Variants in DLGAP2 observed in about 807,000 individuals in gnomAD.
DLGAP2 encodes disks large-associated protein 2.
In DLGAP2, 26 loss-of-function variants were observed where a neutral mutation model predicts 100.3. The observed-to-expected ratio is 0.26, with a 90% CI of 0.19 to 0.36. DLGAP2 has a LOEUF of 0.36. DLGAP2 is among the 10% of genes least tolerant of loss of function. The pLI, the probability that DLGAP2 is intolerant of heterozygous loss-of-function variation, is 1.00. For synonymous variants in DLGAP2, 886 were observed against 630.1 expected (o/e 1.41, Z -6.08); for missense variants, 1,858 against 1,453.2 (o/e 1.28, Z -4.53).
intron 3 of DLGAP2, among the ~76,000 whole-genome samples, chr8:1,359,324 CCAA>C: frequency 6.6e-6 from 1 of 152,356 alleles, no homozygotes; most frequent in Admixed American, 6.5e-5. Context: ...ACGCCTTCAC[CCAA>C]AGAGAGGCCA....
chr8:1,101,609 A>G (rs1804581931), intron 2 of DLGAP2, among the ~76,000 whole-genome samples: 1 of 151,992 alleles, frequency 6.6e-6, no homozygotes, highest in Non-Finnish European at 1.5e-5. Flanking sequence ...CGACAATGGG[A>G]AGGTCCTCAT....
At position 851,895 on chromosome 8, in the gene DLGAP2, T is replaced by C. The variant is rs1039144127; in HGVS notation, c.19-56017T>C. On this transcript the variant is annotated intron_variant, in intron 1 of 14. Transcript: ENST00000637795. Reference sequence around the variant, plus strand: ...TGCGTTTCCCTCTCACCTTCACTAATACCTGGAGCTGTCTTTATTATTACT... The same window carrying C: ...TGCGTTTCCCTCTCACCTTCACTAACACCTGGAGCTGTCTTTATTATTACT... 2.0e-5 allele frequency among the ~76,000 whole-genome samples: 3 copies of C among 152,136 alleles called. No individual in the cohort carries two copies. In the East Asian group the frequency reaches 5.8e-4, roughly 29 times the overall value.
chr8:1,428,377 T>C (rs959447813), intron 3 of DLGAP2, among the ~76,000 whole-genome samples: 4 of 152,086 alleles, frequency 2.6e-5, no homozygotes, highest in Non-Finnish European at 5.9e-5. Context: ...TACCAGTAAA[T>C]AAATCCATAA....
chr8:941,494 A>G (rs1799194775), intron 2 of DLGAP2, among the ~76,000 whole-genome samples: 1 of 152,132 alleles, frequency 6.6e-6, no homozygotes, highest in Non-Finnish European at 1.5e-5. Flanking sequence ...ATTACTAACT[A>G]AAAAGTGCCT....
At chr8:1,213,267 G>A (rs1798143878) in intron 2 of DLGAP2, among the ~76,000 whole-genome samples, 2 of 152,152 alleles carry the variant, frequency 1.3e-5, no homozygotes, top group African/African-American at 2.4e-5. Context: ...GCTTCAGGAT[G>A]TTGATCGTTT....
At chr8:1,156,977 A>G (rs1474757372) in intron 2 of DLGAP2, among the ~76,000 whole-genome samples, 2 of 151,674 alleles carry the variant, frequency 1.3e-5, no homozygotes, top group East Asian at 3.9e-4. Context: ...CTCCACTGTT[A>G]CAGCTCCTCC....
chr8:1,336,709 C>G (rs997338874), intron 3 of DLGAP2, among the ~76,000 whole-genome samples: 3 of 152,204 alleles, frequency 2.0e-5, no homozygotes, highest in African/African-American at 7.2e-5. Flanking sequence ...TTTCTCACCC[C>G]TAAATAAGAC....
At position 1,379,389 on chromosome 8, in the gene DLGAP2, T is replaced by G. The variant is rs559231745; in HGVS notation, c.106+120506T>G. ...CACACGGCACGTACGCCGACATCCC[T>G]TATCTAGGAGGTGGAGAAACGGGCA... On this transcript the variant is annotated intron_variant, in intron 3 of 14. Coordinates refer to ENST00000637795, the MANE Select transcript of DLGAP2 (RefSeq NM_001346810.2). 2.6e-4 allele frequency among the ~76,000 whole-genome samples: 40 copies of G among 152,316 alleles called. No homozygotes were observed. The East Asian group carries it at 7.7e-3, about 29-fold the overall frequency.
chr8:1,306,788 C>A (rs564327039), intron 3 of DLGAP2, among the ~76,000 whole-genome samples: 1 of 152,152 alleles, frequency 6.6e-6, no homozygotes, highest in East Asian at 1.9e-4. Flanking sequence ...CAAGACCATT[C>A]AATGGAGAAG....
chr8:1,028,968 A>C (rs565553282), intron 2 of DLGAP2, among the ~76,000 whole-genome samples: 11 of 152,192 alleles, frequency 7.2e-5, no homozygotes, highest in African/African-American at 2.6e-4. Flanking sequence ...CTGAGGGAGG[A>C]GGATCACTGA....
intron 6 of DLGAP2, among the ~76,000 whole-genome samples, chr8:1,596,917 T>A (rs764914550): frequency 3.3e-5 from 5 of 152,204 alleles, no homozygotes; most frequent in Non-Finnish European, 4.4e-5. Flanking sequence ...GCTCTTGGTG[T>A]TTTAGTCATG....
chr8:1,553,042 C>T (rs1254360382), intron 5 of DLGAP2, among the ~76,000 whole-genome samples: 2 of 152,218 alleles, frequency 1.3e-5, no homozygotes, highest in Non-Finnish European at 2.9e-5. Flanking sequence ...TGCCACAGTC[C>T]ACCGAAACTC....
At chr8:981,560 A>G (rs1279067170) in intron 2 of DLGAP2, among the ~76,000 whole-genome samples, 1 of 152,140 alleles carries the variant, frequency 6.6e-6, no homozygotes, top group Non-Finnish European at 1.5e-5. Flanking sequence ...CGAGGGTTCC[A>G]GTTTCTCTGC....
chr8:1,631,320 G>A lies in DLGAP2; in HGVS notation c.1591-1507G>A, dbSNP rs185119979. The stretch of plus-strand genomic sequence containing the variant: ...TGGGCCCTGGGTCGGGCTTACAGAA[G>A]GGTGTCCACTGAGGTGTACTAGGGC... On this transcript the variant is annotated intron_variant, in intron 7 of 14. Transcript: ENST00000637795. Among the ~76,000 whole-genome samples the A allele has an allele frequency of 3.8e-3, 573 of 152,238 alleles. 3 individuals are homozygous for A. Among genetic ancestry groups the A allele is most frequent in the Non-Finnish European group, 5.1e-3 (344 of 68,020 alleles).
intron 4 of DLGAP2, among the ~76,000 whole-genome samples, chr8:1,523,514 G>C (rs73172591): frequency 3.9e-5 from 6 of 152,182 alleles, no homozygotes; most frequent in South Asian, 4.1e-4. Flanking sequence ...TGCCTTAGAC[G>C]GGGGGGAAGG....
At chr8:1,587,163 G>A (rs1016237307) in intron 6 of DLGAP2, among the ~76,000 whole-genome samples, 2 of 152,198 alleles carry the variant, frequency 1.3e-5, no homozygotes, top group Admixed American at 6.5e-5. Flanking sequence ...ATTTTAGGCA[G>A]CAAAGCCTTA....
intron 6 of DLGAP2, among the ~76,000 whole-genome samples, chr8:1,588,530 A>C (rs889835815): frequency 6.6e-6 from 1 of 152,162 alleles, no homozygotes; most frequent in Non-Finnish European, 1.5e-5. Flanking sequence ...TCATTCGGTA[A>C]GTAAATATGT....
At chr8:1,349,933 G>C (rs1801669292) in intron 3 of DLGAP2, among the ~76,000 whole-genome samples, 2 of 152,102 alleles carry the variant, frequency 1.3e-5, no homozygotes, top group Non-Finnish European at 2.9e-5. Flanking sequence ...ATATCTCTAG[G>C]CAGATTCTTA....
chr8:1,572,024 G>C (rs1357701731), intron 6 of DLGAP2, among the ~76,000 whole-genome samples: 1 of 141,852 alleles, frequency 7.0e-6, no homozygotes, highest in African/African-American at 2.7e-5. Context: ...TGATGAGACG[G>C]AGAGGAGAGA....
Sources: gnomAD v4.1 joint callset for allele counts (sites outside exome capture counted in the v4.1 genomes callset) on GRCh38, gnomAD v4.1.1 for gene constraint, MANE v1.5 for transcripts, NCBI Gene and HGNC (gene_info 2026-07-23, HGNC 2026-07-21) for gene names.